MEI1: variants seen among roughly 807,000 people sequenced by gnomAD.
The protein encoded by MEI1 is meiosis inhibitor protein 1.
Under a neutral mutation model 146.2 loss-of-function variants are expected in MEI1, and 103 were observed. The ratio of observed to expected loss-of-function variants is 0.70; its 90% CI spans 0.60 to 0.83. The LOEUF (loss-of-function observed/expected upper bound fraction) is 0.83, where lower values mean the gene tolerates loss of function less well. Ranked by LOEUF, MEI1 falls within the 40% of genes least tolerant of loss-of-function variation. MEI1 has a pLI of 0.00. For missense variants in MEI1, 1,529 were observed against 1,533.0 expected (o/e 1.00, Z 0.04); for synonymous variants, 652 against 628.2 (o/e 1.04, Z -0.57).
intron 3 of MEI1, among the ~76,000 whole-genome samples, chr22:41,708,788 C>T (rs1163992845): frequency 2.6e-5 from 4 of 152,192 alleles, no homozygotes; most frequent in Non-Finnish European, 4.4e-5. Context: ...ACTGGAAAGT[C>T]TAGATTGCCT....
rs746591302 is a variant in MEI1 at position 41,776,207 on chromosome 22, G to A, written c.2650G>A (p.Gly884Ser). The A allele has an allele frequency of 6.2e-7, 1 of 1,613,954 alleles. No homozygotes were observed. The highest frequency in any genetic ancestry group is 8.5e-7 in the Non-Finnish European group (1 of 1,179,884). The change falls in exon 21 of 31, where the codon GGC becomes AGC. Residue 884 changes from glycine (G) to serine (S), a missense_variant. Gly to Ser is a moderately conservative substitution (Grantham distance 56). Transcript: ENST00000401548. ...TATCCAAGTGGGCGGTCTTATCCGA[G>A]GCCACTTCCTGCTGATCCTGCAGCG... ...EDIQVGGLIRGHFLLILQRLL... is the reference protein window; with the variant it reads ...EDIQVGGLIRSHFLLILQRLL...
rs61737623 is a variant in MEI1 at position 41,770,720 on chromosome 22, G to T, written c.2303G>T (p.Gly768Val). 9 of 1,613,786 alleles carry T rather than the reference G, an allele frequency of 5.6e-6. No individual in the cohort carries two copies. The highest frequency in any genetic ancestry group is 1.7e-5 in the Admixed American group (1 of 59,982). The change falls in exon 20 of 31, where the codon GGC (glycine) becomes GTC (valine). Residue 768 changes from glycine to valine, a missense_variant. Physicochemically the swap from Gly to Val is moderately radical, Grantham distance 109 (BLOSUM62 -3). Coordinates refer to ENST00000401548, the MANE Select transcript of MEI1 (RefSeq NM_152513.4). ...MVSAIRKFLE[G>V]IPDLQLVYTH... ...AGTGCAATCAGAAAATTCCTAGAAG[G>T]CATCCCAGACCTGCAGCTAGTCTAT...
intron 19 of MEI1, among the ~76,000 whole-genome samples, chr22:41,766,854 C>G (rs1051852956): frequency 3.3e-5 from 5 of 152,170 alleles, no homozygotes; most frequent in Non-Finnish European, 5.9e-5. Flanking sequence ...TTGAGAATTA[C>G]TCGTGTAGAT....
chr22:41,791,657 TGACAG>T, intron 26 of MEI1, among the ~76,000 whole-genome samples: 1 of 152,148 alleles, frequency 6.6e-6, no homozygotes, highest in Non-Finnish European at 1.5e-5. Flanking sequence ...TAGCAAGTGT[TGACAG>T]GAGGTGGAGA....
At chr22:41,730,891 A>G (rs2071800006) in intron 9 of MEI1, among the ~76,000 whole-genome samples, 2 of 152,182 alleles carry the variant, frequency 1.3e-5, no homozygotes, top group South Asian at 2.1e-4. Flanking sequence ...TAGCCACTAA[A>G]TGAATTCCTG....
rs2147545423 is a variant in MEI1 at position 41,729,652 on chromosome 22, C to T, written c.865-13C>T. 1 of 1,584,824 alleles carries T rather than the reference C, an allele frequency of 6.3e-7. No individual in the cohort carries two copies. The highest frequency in any genetic ancestry group is 1.7e-4 in the Middle Eastern group (1 of 6,016). ...GGTGTGACTGGGGTACTTTTTGCTG[C>T]CTGTTTCTCCAGCTTCTCCTCTCTA... is the stretch of plus-strand genomic sequence containing the variant. On this transcript the variant is annotated splice_polypyrimidine_tract_variant and intron_variant, in intron 7 of 30. Coordinates refer to ENST00000401548, the MANE Select transcript of MEI1 (RefSeq NM_152513.4).
intron 15 of MEI1, among the ~76,000 whole-genome samples, chr22:41,750,638 C>G (rs1031534241): frequency 3.3e-5 from 5 of 152,136 alleles, no homozygotes; most frequent in African/African-American, 1.2e-4. Context: ...AGATTGGAAA[C>G]ACTTACCTGA....
intron 16 of MEI1, among the ~76,000 whole-genome samples, chr22:41,753,297 T>C (rs902881892): frequency 1.3e-5 from 2 of 151,958 alleles, no homozygotes; most frequent in Admixed American, 1.3e-4. Flanking sequence ...CCACCGTGGC[T>C]GGCCACAAAA....
At chr22:41,707,341 C>G (rs934415531) in intron 3 of MEI1, among the ~76,000 whole-genome samples, 3 of 152,176 alleles carry the variant, frequency 2.0e-5, no homozygotes, top group African/African-American at 7.2e-5. Context: ...ATTGTTAAAA[C>G]TTAGAAGTTT....
intron 19 of MEI1, among the ~76,000 whole-genome samples, chr22:41,764,225 G>C (rs1488910782): frequency 6.6e-6 from 1 of 152,204 alleles, no homozygotes; most frequent in African/African-American, 2.4e-5. Flanking sequence ...CTCCCAAAGT[G>C]CTGGGATTAC....
chr22:41,724,214 C>A lies in MEI1; in HGVS notation c.864+141C>A, dbSNP rs982006483. ...GGCAAAATAATATACTGGCTGGGGG[C>A]GGTGGCTCATGTCTGTAGTCCCAGC... On this transcript the variant is annotated intron_variant, in intron 7 of 30. Coordinates refer to ENST00000401548, the MANE Select transcript of MEI1 (RefSeq NM_152513.4). 5.5e-6 allele frequency: 6 copies of A among 1,094,450 alleles called. No individual in the cohort carries two copies. The Admixed American group carries it at 1.6e-4, about 28-fold the overall frequency. The allele number at this position is 1,094,450 out of a possible 1,614,324, so 67.8% of individuals were successfully genotyped here. A position where few individuals can be genotyped will look rare whatever the true frequency, so the allele number is the denominator to read the frequency against.
intron 8 of MEI1, among the ~76,000 whole-genome samples, 168 bp downstream of exon 8, chr22:41,729,947 A>G (rs1381215337): frequency 6.6e-6 from 1 of 152,156 alleles, no homozygotes; most frequent in Non-Finnish European, 1.5e-5. Flanking sequence ...TTTGTCATTT[A>G]TTTGGTCATC....
At chr22:41,709,541 C>T (rs2069373031) in intron 3 of MEI1, 2 of 553,264 alleles carry the variant, frequency 3.6e-6, no homozygotes, top group African/African-American at 1.9e-5. Flanking sequence ...GATGCAGCGG[C>T]ACACGGGCTT....
intron 26 of MEI1, 23 bp downstream of exon 26, chr22:41,784,806 C>T (rs754332570): frequency 6.4e-7 from 1 of 1,559,126 alleles, no homozygotes; most frequent in Non-Finnish European, 8.7e-7. Flanking sequence ...CTGAGTGGGG[C>T]TTGCTTCTCC....
chr22:41,798,532 C>G (rs914280838), intron 30 of MEI1, among the ~76,000 whole-genome samples: 3 of 151,170 alleles, frequency 2.0e-5, no homozygotes. Context: ...GAGCCAAGAT[C>G]GCGCCACTGT....
At chr22:41,741,755 A>G (rs1226445741) in intron 11 of MEI1, among the ~76,000 whole-genome samples, 1 of 151,998 alleles carries the variant, frequency 6.6e-6, no homozygotes, top group East Asian at 1.9e-4. Flanking sequence ...GCGGCAGATC[A>G]TGAGGTCAAG....
At position 41,745,008 on chromosome 22, in the gene MEI1, T is replaced by C. The variant is rs756264026; in HGVS notation, c.1482T>C (p.Ile494=). ...CCAGTAGAGATTCAGAGAAGGCCATTCTTCAAAGGGGAAAGTTCCTCCTCA... is the reference window on the plus strand; with the variant it reads ...CCAGTAGAGATTCAGAGAAGGCCATCCTTCAAAGGGGAAAGTTCCTCCTCA... The part of the protein sequence containing the change: ...HASSRDSEKA[I]LQRGKFLLST... Residue 494 remains isoleucine, a synonymous_variant, in exon 13 of 31, where the codon ATT becomes ATC. Transcript: ENST00000401548. The C allele has an allele frequency of 6.4e-7, 1 of 1,566,096 alleles. No individual in the cohort carries two copies. The highest frequency in any genetic ancestry group is 8.7e-7 in the Non-Finnish European group (1 of 1,154,710).
rs9619996 is a variant in MEI1 at position 41,793,045 on chromosome 22, T to C, written c.3346-784T>C. Among the ~76,000 whole-genome samples, 490 of 106,182 alleles carry C rather than the reference T, an allele frequency of 4.6e-3. 2 individuals carry two copies. The highest frequency in any genetic ancestry group is 0.034 in the African/African-American group (418 of 12,240). The allele number at this position is 106,182 out of a possible 152,430, so 69.7% of individuals were successfully genotyped here. ...AAACAAAGCATTCTTTTTTTTTTTT[T>C]TTTTTTTTTTTTTTTTTTCAGATAG... is the stretch of plus-strand genomic sequence containing the variant. On this transcript the variant is annotated intron_variant, in intron 26 of 30. Coordinates refer to ENST00000401548, the MANE Select transcript of MEI1 (RefSeq NM_152513.4).
chr22:41,742,431 G>C (rs1026037628), intron 11 of MEI1, among the ~76,000 whole-genome samples: 2 of 152,130 alleles, frequency 1.3e-5, no homozygotes, highest in African/African-American at 2.4e-5. Flanking sequence ...TCTCCTCTGC[G>C]AGAAAACCTT....
Sources: gnomAD v4.1 joint callset for allele counts (sites outside exome capture counted in the v4.1 genomes callset) on GRCh38, gnomAD v4.1.1 for gene constraint, MANE v1.5 for transcripts, NCBI Gene and HGNC (gene_info 2026-07-23, HGNC 2026-07-21) for gene names.